Variants in SPATA7 observed in about 807,000 individuals in gnomAD.
The protein encoded by SPATA7 is spermatogenesis associated 7.
A neutral mutation model predicts 51.8 loss-of-function variants in SPATA7; 43 were observed. That is an observed-to-expected ratio of 0.83 (90% CI 0.65 to 1.07). The LOEUF (loss-of-function observed/expected upper bound fraction) is 1.07, where lower values mean the gene tolerates loss of function less well. SPATA7 is among the 50% of genes least tolerant of loss of function. The pLI is 0.00. For missense variants in SPATA7, 683 were observed against 701.3 expected (o/e 0.97, Z 0.30); for synonymous variants, 230 against 252.8 (o/e 0.91, Z 0.86).
At position 88,426,593 on chromosome 14, in the gene SPATA7, T is replaced by C. The variant is rs1566779979; in HGVS notation, c.734T>C (p.Leu245Ser). Residue 245 changes from leucine (L) to serine (S), a missense_variant, in exon 6 of 12, where the codon TTA becomes TCA. Coordinates refer to ENST00000393545, the MANE Select transcript of SPATA7 (RefSeq NM_018418.5). ...CAATTGCCATTCACTCCTCGCACTTTAAAAACAGAAGCAAAATCTTTCCTG... is the reference window on the plus strand; with the variant it reads ...CAATTGCCATTCACTCCTCGCACTTCAAAAACAGAAGCAAAATCTTTCCTG... Reference protein sequence around the residue: ...NKQLPFTPRTLKTEAKSFLSQ... With the variant: ...NKQLPFTPRTSKTEAKSFLSQ... 6.2e-7 allele frequency: 1 copy of C among 1,614,140 alleles called. No individual in the cohort carries two copies. The highest frequency in any genetic ancestry group is 1.1e-5 in the South Asian group (1 of 91,088).
intron 3 of SPATA7, among the ~76,000 whole-genome samples, chr14:88,445,472 T>G (rs562762163): frequency 3.3e-5 from 5 of 152,204 alleles, no homozygotes; most frequent in Admixed American, 6.5e-5. Flanking sequence ...CTGAATACCC[T>G]TTATTTCCTT....
intron 7 of SPATA7, chr14:88,428,308 G>C (rs1595276187): frequency 6.6e-6 from 1 of 152,062 alleles, no homozygotes; most frequent in Non-Finnish European, 1.5e-5. Flanking sequence ...ACTTAAATTT[G>C]TTGCTTATAA....
chr14:88,404,650 G>A (rs145294860), intron 4 of SPATA7, among the ~76,000 whole-genome samples: 3,543 of 152,222 alleles, frequency 0.023, 144 homozygotes, highest in African/African-American at 0.081. Flanking sequence ...CCGGGAGGGG[G>A]AGGTTGCAGT....
At chr14:88,459,876 T>C (rs1327801000), downstream of SPATA7, among the ~76,000 whole-genome samples, 1 of 151,134 alleles carries the variant, frequency 6.6e-6, no homozygotes, top group African/African-American at 2.5e-5. Context: ...CCATGTTTAC[T>C]GCTTCTTTCA....
In SPATA7 at chr14:88,390,580, C is replaced by A. The variant is rs151179464; in HGVS notation, c.20-801C>A. Among the ~76,000 whole-genome samples, 580 of 152,300 alleles carry A rather than the reference C, an allele frequency of 3.8e-3. 2 individuals are homozygous for A. The highest frequency in any genetic ancestry group is 6.5e-3 in the Non-Finnish European group (441 of 68,020). On this transcript the variant is annotated intron_variant, in intron 1 of 11. Coordinates refer to ENST00000393545, the MANE Select transcript of SPATA7 (RefSeq NM_018418.5). ...CATAGCATTGCTGACGCTGTCAACACAGCTGTCCACATTTGGGTTTTATGC... is the reference window on the plus strand; with the variant it reads ...CATAGCATTGCTGACGCTGTCAACAAAGCTGTCCACATTTGGGTTTTATGC...
At chr14:88,402,472 G>C (rs563869125) in intron 4 of SPATA7, among the ~76,000 whole-genome samples, 4 of 152,186 alleles carry the variant, frequency 2.6e-5, no homozygotes, top group South Asian at 2.1e-4. Context: ...AAAGAATGGA[G>C]AACCCAGAAA....
chr14:88,390,647 G>C (rs1341584726), intron 1 of SPATA7, among the ~76,000 whole-genome samples: 1 of 152,186 alleles, frequency 6.6e-6, no homozygotes, highest in Non-Finnish European at 1.5e-5. Flanking sequence ...AACCACCTGG[G>C]CTAAGAGTAA....
At chr14:88,437,073 C>CTTTTTTTTTTTTTTTTTTTTTTTTT (rs771890040) in intron 10 of SPATA7, among the ~76,000 whole-genome samples, 1 of 137,880 alleles carries the variant, frequency 7.3e-6, no homozygotes, top group Non-Finnish European at 1.6e-5. Context: ...AATATTTTTC[C>CTTTTTTTTTTTTTTTTTTTTTTTTT]TTTTTTTTTT....
intron 4 of SPATA7, among the ~76,000 whole-genome samples, chr14:88,465,323 C>T (rs1384094345): frequency 1.3e-5 from 2 of 151,966 alleles, no homozygotes; most frequent in South Asian, 2.1e-4. Flanking sequence ...AAAAATTAGC[C>T]GGGCATAGTG....
chr14:88,464,156 A>C (rs1347203180), intron 4 of SPATA7, among the ~76,000 whole-genome samples: 3 of 151,984 alleles, frequency 2.0e-5, no homozygotes, highest in Non-Finnish European at 2.9e-5. Context: ...ATTTTTCTAT[A>C]AATAATTTTA....
At chr14:88,420,458 T>G (rs886277520) in intron 5 of SPATA7, among the ~76,000 whole-genome samples, 1 of 152,218 alleles carries the variant, frequency 6.6e-6, no homozygotes, top group Non-Finnish European at 1.5e-5. Flanking sequence ...AGAAAAATCA[T>G]TAATGTGCAG....
At position 88,469,817 on chromosome 14, in the gene SPATA7, C is replaced by T. The variant is rs748734297; in HGVS notation, c.255-30C>T. On this transcript the variant is annotated intron_variant, in intron 4 of 4. Coordinates refer to the SPATA7 transcript ENST00000556406. The surrounding 1 kb of genome is among the most constrained non-coding windows in gnomAD (Gnocchi z 4.3). ...ATAGACGGCACATCTGAAACAGAAC[C>T]ACAACCCTACCCTGCCTTTTTCTCC... 1.3e-5 allele frequency: 21 copies of T among 1,601,506 alleles called. No homozygotes were observed. The East Asian group carries it at 4.5e-4, about 34-fold the overall frequency.
rs754734927 is a variant in SPATA7 at position 88,437,982 on chromosome 14, A to G, written c.1360A>G (p.Asn454Asp). 3.1e-6 allele frequency: 5 copies of G among 1,613,952 alleles called. No homozygotes were observed. The highest frequency in any genetic ancestry group is 1.6e-4 in the Middle Eastern group (1 of 6,084). Residue 454 changes from asparagine (N) to aspartate (D), a missense_variant, in exon 12 of 12, where the codon AAT becomes GAT. Coordinates refer to ENST00000393545, the MANE Select transcript of SPATA7 (RefSeq NM_018418.5). The part of the protein sequence containing the change: ...AGNSEPNELK[N>D]ESEVTIQQER... The stretch of plus-strand genomic sequence containing the variant: ...GAATTCAGAACCAAATGAATTAAAA[A>G]ATGAAAGTGAAGTAACAATTCAGCA...
At position 88,437,580 on chromosome 14, in the gene SPATA7, AAT is replaced by A. The variant is rs2077123914; in HGVS notation, c.1200_1201del (p.Asn400LysfsTer32). 6.2e-7 allele frequency: 1 copy of A among 1,610,512 alleles called. No homozygotes were observed. ...ACTGTTCGAGCGACATATAAAACAA[AAT>A]AAACATTTGGAGGAGGTTTGTCTTT... The part of the protein sequence containing the change: ...ERLFERHIKQ[N>X]KHLEEEKMRH... On this transcript the variant is annotated frameshift_variant, in exon 11 of 12. Transcript: ENST00000393545. LOFTEE classifies it low-confidence loss of function (END_TRUNC).
At position 88,385,811 on chromosome 14, in the gene SPATA7, G is replaced by A. The variant is rs1163345660; in HGVS notation, c.-8G>A. 4 of 1,606,548 alleles carry A rather than the reference G, an allele frequency of 2.5e-6. No homozygotes were observed. The highest frequency in any genetic ancestry group is 3.4e-6 in the Non-Finnish European group (4 of 1,177,052). On this transcript the variant is annotated 5_prime_UTR_variant, in exon 1 of 12. Transcript: ENST00000393545. ...CGTGTCCCTGCGGCGGCTGCAAGAG[G>A]ACTAAGCATGGATGGCAGCCGGAGA...
chr14:88,393,423 T>C lies in SPATA7; in HGVS notation c.125T>C (p.Leu42Pro), dbSNP rs930045582. 1 of 1,604,300 alleles carries C rather than the reference T, an allele frequency of 6.2e-7. No homozygotes were observed. Among genetic ancestry groups the C allele is most frequent in the Non-Finnish European group, 8.5e-7 (1 of 1,174,470 alleles). The change falls in exon 3 of 12, where the codon CTA becomes CCA. Residue 42 changes from leucine (L) to proline (P), a missense_variant. By Grantham distance (98) the Leu-to-Pro change is moderately conservative (BLOSUM62 -3). Transcript: ENST00000393545. ...AFCTDSSSLRLSTLQLVKNHM... is the reference protein window; with the variant it reads ...AFCTDSSSLRPSTLQLVKNHM... The stretch of plus-strand genomic sequence containing the variant: ...TGCACTGACTCCTCTTCTCTCAGAC[T>C]AAGCACTCTCCAGCTGGTCAAGAAT...
chr14:88,433,536 T>C (rs762014905), intron 10 of SPATA7, among the ~76,000 whole-genome samples: 92 of 152,190 alleles, frequency 6.0e-4, no homozygotes, highest in Non-Finnish European at 1.1e-3. Flanking sequence ...TTTTACTACC[T>C]AAAATTGTCA....
chr14:88,390,186 C>T lies in SPATA7; in HGVS notation c.20-1195C>T, dbSNP rs190724914. Among the ~76,000 whole-genome samples, 9 of 152,182 alleles carry T rather than the reference C, an allele frequency of 5.9e-5. No homozygotes were observed. The East Asian group carries it at 1.4e-3, about 23-fold the overall frequency. On this transcript the variant is annotated intron_variant, in intron 1 of 11. Transcript: ENST00000393545. ...TTGGAGCACTGCCTGGCAGGGTTACCACTCAATAAATTAGCCTTTTGACTA... is the reference window on the plus strand; with the variant it reads ...TTGGAGCACTGCCTGGCAGGGTTACTACTCAATAAATTAGCCTTTTGACTA...
chr14:88,446,190 A>T (rs550154045), intron 3 of SPATA7, among the ~76,000 whole-genome samples: 1 of 152,218 alleles, frequency 6.6e-6, no homozygotes, highest in East Asian at 1.9e-4. Context: ...CAGAGATTCA[A>T]CTTTTCCTGG....
Sources: allele counts gnomAD v4.1 joint callset (sites outside exome capture counted in the v4.1 genomes callset), GRCh38; gene constraint gnomAD v4.1.1; non-coding constraint Gnocchi (gnomAD v3.1); transcripts MANE v1.5; gene names NCBI Gene and HGNC (gene_info 2026-07-23, HGNC 2026-07-21).